SUMF1: variants seen among roughly 807,000 people sequenced by gnomAD.
SUMF1 encodes sulfatase modifying factor 1, also known as formylglycine-generating enzyme.
A neutral mutation model predicts 47.6 loss-of-function variants in SUMF1; 48 were observed. The ratio of observed to expected loss-of-function variants is 1.01; its 90% CI spans 0.80 to 1.28. The LOEUF (loss-of-function observed/expected upper bound fraction) is 1.28. Among genes scored for constraint, SUMF1 ranks in the 50% most tolerant of loss-of-function variants. SUMF1 has a pLI of 0.00. For synonymous variants in SUMF1, 230 were observed against 192.1 expected, an observed-to-expected ratio of 1.20 and a Z score of -1.63; for missense variants, 571 against 485.4, an observed-to-expected ratio of 1.18 and a Z score of -1.66.
intron 8 of SUMF1, among the ~76,000 whole-genome samples, chr3:4,154,462 T>C (rs1016525787): frequency 6.6e-6 from 1 of 151,586 alleles, no homozygotes; most frequent in African/African-American, 2.4e-5. Context: ...TTCCAGTCAC[T>C]TTGCATACAT....
intron 6 of SUMF1, 26 bp from the exon 7 acceptor site, chr3:4,411,004 T>C: frequency 6.4e-7 from 1 of 1,574,044 alleles, no homozygotes; most frequent in Non-Finnish European, 8.7e-7. Context: ...GGAAAAATGC[T>C]GTCAAACTAT....
At chr3:4,191,320 G>C (rs1355139377) in intron 8 of SUMF1, among the ~76,000 whole-genome samples, 1 of 152,112 alleles carries the variant, frequency 6.6e-6, no homozygotes, top group East Asian at 1.9e-4. Flanking sequence ...GCCACACTTT[G>C]GTGCAGCTTC....
intron 1 of SUMF1, among the ~76,000 whole-genome samples, chr3:4,464,143 TC>T (rs1410058239): frequency 2.0e-5 from 3 of 152,228 alleles, no homozygotes; most frequent in Non-Finnish European, 4.4e-5. Flanking sequence ...CACTTATGTT[TC>T]CCAGCACACA....
intron 8 of SUMF1, among the ~76,000 whole-genome samples, chr3:4,253,172 G>C (rs1489008565): frequency 6.6e-6 from 1 of 152,154 alleles, no homozygotes; most frequent in East Asian, 1.9e-4. Context: ...TCCATCTCTT[G>C]TATTCCTCTC....
At chr3:4,387,883 T>A (rs1054418097) in intron 7 of SUMF1, among the ~76,000 whole-genome samples, 9 of 152,088 alleles carry the variant, frequency 5.9e-5, no homozygotes, top group African/African-American at 1.9e-4. Flanking sequence ...GATTTTCCTA[T>A]TATATTTCTG....
At chr3:4,204,765 A>G (rs2125155644) in intron 8 of SUMF1, among the ~76,000 whole-genome samples, 1 of 151,972 alleles carries the variant, frequency 6.6e-6, no homozygotes, top group African/African-American at 2.4e-5. Context: ...TCAGCTGTTA[A>G]GACACACTGA....
intron 8 of SUMF1, among the ~76,000 whole-genome samples, chr3:4,344,212 G>A (rs1446157026): frequency 3.3e-5 from 5 of 152,186 alleles, no homozygotes; most frequent in African/African-American, 1.2e-4. Flanking sequence ...GTGACCCACG[G>A]AGAGAAGGAA....
Position 4,308,569 on chromosome 3 carries a change from G to T in SUMF1, c.1014+67761C>A, listed in dbSNP as rs540181276. On this transcript the variant is annotated intron_variant and NMD_transcript_variant, in intron 8 of 12. Coordinates refer to the SUMF1 transcript ENST00000448413. ...TTCATGATAGCCACCCCAAATGTGG[G>T]TATTATCCTTGTCTTATAGCTACTA... Among the ~76,000 whole-genome samples the T allele has an allele frequency of 5.9e-5, 9 of 152,278 alleles. No homozygotes were observed. The South Asian group carries it at 1.9e-3, about 32-fold the overall frequency.
chr3:4,204,437 T>C (rs1219833438), intron 8 of SUMF1, among the ~76,000 whole-genome samples: 1 of 152,172 alleles, frequency 6.6e-6, no homozygotes, highest in African/African-American at 2.4e-5. Flanking sequence ...GGAGTTATAC[T>C]ATTAAATGTC....
chr3:4,216,649 A>C (rs1473020804), intron 8 of SUMF1, among the ~76,000 whole-genome samples: 1 of 152,192 alleles, frequency 6.6e-6, no homozygotes, highest in Admixed American at 6.5e-5. Context: ...AGAATCTACA[A>C]AGAACTCAAA....
rs148262612 is a variant in SUMF1 at position 4,456,397 on chromosome 3, C to G, written c.271-3348G>C. 7.1e-3 allele frequency among the ~76,000 whole-genome samples: 1,066 copies of G among 150,634 alleles called. 4 individuals carry two copies. The highest frequency in any genetic ancestry group is 0.035 in the Middle Eastern group (10 of 288). ...GCAAGAGAAAGAAAGAAACAGCATC[C>G]AAGCTGGAAACAAAGACGTTATGTT... On this transcript the variant is annotated intron_variant, in intron 1 of 8. Coordinates refer to ENST00000272902, the MANE Select transcript of SUMF1 (RefSeq NM_182760.4).
At chr3:4,230,563 C>T (rs951586501) in intron 8 of SUMF1, among the ~76,000 whole-genome samples, 105 of 152,088 alleles carry the variant, frequency 6.9e-4, no homozygotes, top group African/African-American at 2.0e-3. Flanking sequence ...GTGCCCTCTC[C>T]GGATACGCCA....
rs753367103 is a variant in SUMF1 at position 4,312,941 on chromosome 3, C to T, written c.1014+63389G>A. The stretch of plus-strand genomic sequence containing the variant: ...GTTGGACCTGGAGCAGACATTGATC[C>T]CACTCAAATAACCTTTCCCGGATGC... On this transcript the variant is annotated intron_variant and NMD_transcript_variant, in intron 8 of 12. Coordinates refer to the SUMF1 transcript ENST00000448413. 3 of 1,613,528 alleles carry T rather than the reference C, an allele frequency of 1.9e-6. No homozygotes were observed. In the East Asian group the frequency reaches 6.7e-5, roughly 36 times the overall value.
At chr3:4,426,292 T>C (rs1207602769) in intron 3 of SUMF1, among the ~76,000 whole-genome samples, 1 of 152,188 alleles carries the variant, frequency 6.6e-6, no homozygotes, top group Non-Finnish European at 1.5e-5. Flanking sequence ...GAAACCATTT[T>C]CCCATTTCAC....
rs552140066 is a variant in SUMF1, at chr3:4,038,283, T to C, written c.1191+30286A>G. ...CAATCAGCCCAGGATAAGGGGTCTGTGCTGTGGGCCCAAGGCAGGGGTTCC... is the reference window on the plus strand; with the variant it reads ...CAATCAGCCCAGGATAAGGGGTCTGCGCTGTGGGCCCAAGGCAGGGGTTCC... On this transcript the variant is annotated intron_variant and NMD_transcript_variant, in intron 9 of 12. Coordinates refer to the SUMF1 transcript ENST00000448413. Among the ~76,000 whole-genome samples, 35 of 152,264 alleles carry C rather than the reference T, an allele frequency of 2.3e-4. No individual in the cohort carries two copies. The South Asian group carries it at 7.3e-3, about 32-fold the overall frequency.
At chr3:4,065,199 A>T (rs1695348989) in intron 9 of SUMF1, among the ~76,000 whole-genome samples, 7 of 151,912 alleles carry the variant, frequency 4.6e-5, no homozygotes, top group Admixed American at 4.6e-4. Flanking sequence ...TCCGCATTTC[A>T]AGATGCTTTT....
chr3:4,342,226 A>T (rs966871466), intron 8 of SUMF1, among the ~76,000 whole-genome samples: 1 of 152,188 alleles, frequency 6.6e-6, no homozygotes, highest in African/African-American at 2.4e-5. Flanking sequence ...GCTTTCTGTT[A>T]TCATCGTTGT....
At chr3:4,313,628 C>T (rs1345718910) in intron 8 of SUMF1, 14 of 1,614,048 alleles carry the variant, frequency 8.7e-6, no homozygotes, top group Middle Eastern at 1.6e-4. Context: ...TCATGTACTG[C>T]TTTCCTGCCT....
intron 8 of SUMF1, among the ~76,000 whole-genome samples, chr3:4,146,858 A>C (rs1473846197): frequency 1.3e-5 from 2 of 152,112 alleles, no homozygotes; most frequent in Non-Finnish European, 2.9e-5. Context: ...CCTAAAAAGG[A>C]CATGAACTCA....
Sources: gnomAD v4.1 joint callset for allele counts (sites outside exome capture counted in the v4.1 genomes callset) on GRCh38, gnomAD v4.1.1 for gene constraint, MANE v1.5 for transcripts, NCBI Gene and HGNC (gene_info 2026-07-23, HGNC 2026-07-21) for gene names.